Variants in RBPJ observed in about 807,000 individuals in gnomAD.
RBPJ encodes recombination signal binding protein for immunoglobulin kappa J region.
A neutral mutation model predicts 67.8 loss-of-function variants in RBPJ; 9 were observed. The observed-to-expected ratio is 0.13, with a 90% CI of 0.08 to 0.23. RBPJ has a LOEUF of 0.23. Ranked by LOEUF, RBPJ falls within the 10% of genes least tolerant of loss-of-function variation. The probability of loss-of-function intolerance (pLI) is 1.00; values close to 1 mark genes in which losing one functional copy is unlikely to be tolerated. For synonymous variants in RBPJ, 198 were observed against 203.3 expected (o/e 0.97, Z 0.22); for missense variants, 305 against 595.6 (o/e 0.51, Z 5.08).
At chr4:26,176,693 T>C (rs535836895) in intron 1 of RBPJ, among the ~76,000 whole-genome samples, 2 of 152,346 alleles carry the variant, frequency 1.3e-5, no homozygotes, top group South Asian at 4.1e-4. Flanking sequence ...GATGAGATCA[T>C]GGGACATAGC....
At chr4:26,395,893 T>C (rs1458782034) in intron 2 of RBPJ, among the ~76,000 whole-genome samples, 1 of 152,248 alleles carries the variant, frequency 6.6e-6, no homozygotes, top group African/African-American at 2.4e-5. Flanking sequence ...TTTAGAAGCA[T>C]TTTACCAGTG....
chr4:26,214,503 GGGAAGGA>G (rs1168319202), intron 1 of RBPJ, among the ~76,000 whole-genome samples: 1 of 90,350 alleles, frequency 1.1e-5, no homozygotes, highest in Non-Finnish European at 2.1e-5. Context: ...GAGGGAGGGA[GGGAAGGA>G]GGAAGGGAGG....
chr4:26,280,395 C>CAAAA (rs11295196), intron 1 of RBPJ, among the ~76,000 whole-genome samples: 1 of 86,812 alleles, frequency 1.2e-5, no homozygotes, highest in Non-Finnish European at 2.3e-5. Context: ...CACTTCATCT[C>CAAAA]AAAAAAAAAA....
chr4:26,311,513 T>C (rs527386519), intron 1 of RBPJ, among the ~76,000 whole-genome samples: 113 of 150,530 alleles, frequency 7.5e-4, no homozygotes, highest in African/African-American at 2.7e-3. Flanking sequence ...CACCCCAGCC[T>C]GGGTGAGAGA....
upstream of RBPJ, among the ~76,000 whole-genome samples, chr4:26,162,243 T>C: frequency 6.6e-6 from 1 of 152,188 alleles, no homozygotes; most frequent in East Asian, 1.9e-4. Flanking sequence ...CACAGAGGCC[T>C]AGGACAGCCG....
chr4:26,162,082 TG>T (rs1453242697), upstream of RBPJ, among the ~76,000 whole-genome samples: 7 of 152,110 alleles, frequency 4.6e-5, no homozygotes, highest in Non-Finnish European at 4.4e-5. Context: ...AAGGAGGTGA[TG>T]GGGGAAGCTA....
chr4:26,291,021 T>C lies in RBPJ; in HGVS notation c.-166-71425T>C, dbSNP rs1721650064. ...TTTACTGGCTGTGAGCAAATAGGTA[T>C]TCACTTAGAAGGCTTTGCTCTCTGT... On this transcript the variant is annotated intron_variant, in intron 1 of 4. Coordinates refer to the RBPJ transcript ENST00000512351. Among the ~76,000 whole-genome samples the C allele has an allele frequency of 1.3e-5, 2 of 151,080 alleles. 1 individual carries two copies. Among genetic ancestry groups the C allele is most frequent in the African/African-American group, 4.9e-5 (2 of 41,100 alleles).
chr4:26,130,429 G>A, the RBPJ span, among the ~76,000 whole-genome samples: 2 of 152,122 alleles, frequency 1.3e-5, no homozygotes, highest in Non-Finnish European at 2.9e-5. Context: ...GCTTGGGTTT[G>A]TCAGCTTCTG....
chr4:26,293,703 T>C lies in RBPJ; in HGVS notation c.-166-68743T>C, dbSNP rs540305745. 1.8e-4 allele frequency among the ~76,000 whole-genome samples: 25 copies of C among 138,080 alleles called. 1 individual carries two copies. The highest frequency in any genetic ancestry group is 6.1e-4 in the African/African-American group (23 of 37,770). The allele number at this position is 138,080 out of a possible 152,430, so 90.6% of individuals were successfully genotyped here. Reference sequence around the variant, plus strand: ...TTAAAAGATTTTCCAATGCTAATTATGATGGCAAAACAATTCAGGAATGAC... The same window carrying C: ...TTAAAAGATTTTCCAATGCTAATTACGATGGCAAAACAATTCAGGAATGAC... On this transcript the variant is annotated intron_variant, in intron 1 of 4. Transcript: ENST00000512351.
chr4:26,345,260 A>T (rs962676633), intron 1 of RBPJ, among the ~76,000 whole-genome samples: 1 of 152,230 alleles, frequency 6.6e-6, no homozygotes, highest in Admixed American at 6.5e-5. Context: ...GGGGCTAGAG[A>T]TCTCTTTGTG....
chr4:26,153,015 A>T, the RBPJ span, among the ~76,000 whole-genome samples: 1 of 152,226 alleles, frequency 6.6e-6, no homozygotes, highest in Non-Finnish European at 1.5e-5. Flanking sequence ...TACCATGCGG[A>T]TGGCACCCAA....
intron 1 of RBPJ, among the ~76,000 whole-genome samples, chr4:26,379,343 G>A (rs1438342598): frequency 6.6e-6 from 1 of 152,100 alleles, no homozygotes; most frequent in Non-Finnish European, 1.5e-5. Context: ...AGGACCACAG[G>A]TGTGCAACAC....
intron 1 of RBPJ, among the ~76,000 whole-genome samples, chr4:26,337,875 G>A (rs2109382615): frequency 6.6e-6 from 1 of 151,452 alleles, no homozygotes; most frequent in East Asian, 1.9e-4. Flanking sequence ...TTGATAGAGA[G>A]AGCAACTCAC....
chr4:26,320,111 A>G (rs1382680767), upstream of RBPJ, among the ~76,000 whole-genome samples: 1 of 151,976 alleles, frequency 6.6e-6, no homozygotes, highest in Non-Finnish European at 1.5e-5. Flanking sequence ...ATGGGGTCTT[A>G]GAGAGGCCAT....
At chr4:26,130,601 G>C in the RBPJ span, among the ~76,000 whole-genome samples, 70 of 152,054 alleles carry the variant, frequency 4.6e-4, 1 homozygote, top group African/African-American at 1.6e-3. Flanking sequence ...TTTTCTCTCT[G>C]TATTTCCACA....
At chr4:26,154,443 G>A in the RBPJ span, among the ~76,000 whole-genome samples, 2 of 152,180 alleles carry the variant, frequency 1.3e-5, no homozygotes, top group African/African-American at 4.8e-5. Context: ...GAAACACCGT[G>A]TGGACTCACC....
intron 1 of RBPJ, among the ~76,000 whole-genome samples, chr4:26,236,992 A>G (rs748067000): frequency 1.3e-5 from 2 of 152,206 alleles, no homozygotes; most frequent in Non-Finnish European, 2.9e-5. Context: ...ATTAGAACCC[A>G]GTAGGAAGAA....
At chr4:26,125,844 C>T in the RBPJ span, among the ~76,000 whole-genome samples, 991 of 152,072 alleles carry the variant, frequency 6.5e-3, 9 homozygotes, top group South Asian at 0.016. Context: ...CCAGCAGGCA[C>T]CCTCATGGCG....
intron 3 of RBPJ, among the ~76,000 whole-genome samples, chr4:26,414,901 T>G (rs992621471): frequency 6.6e-6 from 1 of 152,204 alleles, no homozygotes; most frequent in African/African-American, 2.4e-5. Flanking sequence ...TTCAAAGATA[T>G]ATAAAACACA....
Sources: gnomAD v4.1 joint callset for allele counts (sites outside exome capture counted in the v4.1 genomes callset) on GRCh38, gnomAD v4.1.1 for gene constraint, MANE v1.5 for transcripts, NCBI Gene and HGNC (gene_info 2026-07-23, HGNC 2026-07-21) for gene names.